ILDR1: variants seen among roughly 807,000 people sequenced by gnomAD.
ILDR1 encodes the protein immunoglobulin-like domain-containing receptor 1.
In ILDR1, 56 loss-of-function variants were observed where a neutral mutation model predicts 62.4. The observed-to-expected ratio is 0.90, with a 90% CI of 0.72 to 1.12. The LOEUF is 1.12. Ranked by LOEUF, ILDR1 falls within the 50% of genes most tolerant of loss-of-function variation. The pLI is 0.00. For missense variants in ILDR1, 736 were observed against 710.6 expected (o/e 1.04, Z -0.41); for synonymous variants, 284 against 277.8 (o/e 1.02, Z -0.22).
intron 1 of ILDR1, among the ~76,000 whole-genome samples, chr3:122,013,307 G>C (rs2071730636): frequency 6.6e-6 from 1 of 152,048 alleles, no homozygotes; most frequent in Non-Finnish European, 1.5e-5. Flanking sequence ...TTAAAATTAA[G>C]AACTATTTTG....
chr3:122,006,446 A>G (rs1459057523), intron 2 of ILDR1, among the ~76,000 whole-genome samples: 1 of 152,116 alleles, frequency 6.6e-6, no homozygotes, highest in South Asian at 2.1e-4. Flanking sequence ...TCTAAGGAGG[A>G]GTTGTGTAGC....
chr3:122,000,485 C>A (rs183663897), intron 5 of ILDR1, among the ~76,000 whole-genome samples: 1 of 152,210 alleles, frequency 6.6e-6, no homozygotes, highest in Non-Finnish European at 1.5e-5. Flanking sequence ...AGCCCCTCCC[C>A]GCTCCCACAT....
the ILDR1 span, among the ~76,000 whole-genome samples, chr3:122,030,623 TTCTCTC>T: frequency 4.1e-5 from 6 of 147,636 alleles, no homozygotes; most frequent in South Asian, 8.8e-4. Flanking sequence ...GCAAGGGTTT[TTCTCTC>T]TCTCTCTCTC....
At chr3:121,988,448 C>G in intron 7 of ILDR1, 40 bp from the exon 8 acceptor site, 1 of 1,538,440 alleles carries the variant, frequency 6.5e-7, no homozygotes. Context: ...AAAATCCAGT[C>G]AGTGCAATCC....
At position 121,993,371 on chromosome 3, in the gene ILDR1, C is replaced by T. The variant is rs559855953; in HGVS notation, c.1378G>A (p.Gly460Arg). ...PSPRESTQRH[G>R]RRRRHRSYSP... is the part of the protein sequence containing the mutation. The stretch of plus-strand genomic sequence containing the variant: ...TAGCTGCGGTGCCTGCGTCGTCTCC[C>T]GTGCCTCTGAGTGCTCTCCCGGGGG... Residue 460 changes from glycine (G) to arginine (R), a missense_variant, in exon 7 of 8, where the codon GGG becomes AGG. Coordinates refer to ENST00000344209, the MANE Select transcript of ILDR1 (RefSeq NM_001199799.2). 2.1e-4 allele frequency: 342 copies of T among 1,610,884 alleles called. 3 individuals are homozygous for T. Among genetic ancestry groups the T allele is most frequent in the South Asian group, 1.9e-3 (169 of 90,984 alleles).
the ILDR1 span, among the ~76,000 whole-genome samples, chr3:122,040,680 T>C: frequency 7.2e-6 from 1 of 139,456 alleles, no homozygotes; most frequent in East Asian, 2.1e-4. Context: ...GAAGAAGATA[T>C]CATTTTCAAC....
the ILDR1 span, among the ~76,000 whole-genome samples, chr3:122,059,158 A>G: frequency 1.2e-4 from 19 of 152,150 alleles, no homozygotes. Flanking sequence ...GTGCAAGTTC[A>G]AAAAAGAGGG....
intron 1 of ILDR1, among the ~76,000 whole-genome samples, chr3:122,009,419 A>G (rs2071670531): frequency 7.3e-6 from 1 of 136,958 alleles, no homozygotes; most frequent in Admixed American, 8.0e-5. Context: ...ATTTACTTGA[A>G]TTTTGGACAA....
intron 1 of ILDR1, among the ~76,000 whole-genome samples, chr3:122,009,571 G>A (rs2071672516): frequency 6.6e-6 from 1 of 152,192 alleles, no homozygotes; most frequent in Admixed American, 6.5e-5. Flanking sequence ...TGCCACATTA[G>A]TGTCAGTATG....
chr3:122,028,050 G>A, the ILDR1 span, among the ~76,000 whole-genome samples: 8 of 151,956 alleles, frequency 5.3e-5, no homozygotes, highest in East Asian at 1.9e-4. Flanking sequence ...AAAACTGGCC[G>A]GGCGCGGTGG....
chr3:121,992,819 T>G (rs1401451732), intron 7 of ILDR1, among the ~76,000 whole-genome samples: 2 of 152,240 alleles, frequency 1.3e-5, no homozygotes, highest in Non-Finnish European at 2.9e-5. Context: ...ATTCAAGTCC[T>G]AGCTCATGGC....
chr3:122,042,073 C>A, the ILDR1 span, among the ~76,000 whole-genome samples: 2 of 103,532 alleles, frequency 1.9e-5, no homozygotes, highest in Non-Finnish European at 3.9e-5. Context: ...CCCCTCCCCC[C>A]ACCCCACCAC....
chr3:121,995,532 C>T (rs967666724), intron 5 of ILDR1, among the ~76,000 whole-genome samples: 4 of 152,126 alleles, frequency 2.6e-5, no homozygotes, highest in African/African-American at 9.7e-5. Context: ...TAACAGAGTC[C>T]CCAGAAATGT....
chr3:122,052,484 A>T, the ILDR1 span, among the ~76,000 whole-genome samples: 1 of 152,164 alleles, frequency 6.6e-6, no homozygotes, highest in Non-Finnish European at 1.5e-5. Flanking sequence ...AGGCATCTAG[A>T]GTATGGTGGG....
intron 1 of ILDR1, among the ~76,000 whole-genome samples, chr3:122,012,684 A>G (rs75471926): frequency 6.6e-6 from 1 of 152,198 alleles, no homozygotes; most frequent in African/African-American, 2.4e-5. Flanking sequence ...AATGTCCCCC[A>G]TTTAGCAAAG....
chr3:122,057,873 G>C, the ILDR1 span, among the ~76,000 whole-genome samples: 1 of 152,222 alleles, frequency 6.6e-6, no homozygotes, highest in African/African-American at 2.4e-5. Context: ...TGGCTCTCTA[G>C]GGTGAGTTGC....
the ILDR1 span, among the ~76,000 whole-genome samples, chr3:122,034,289 G>T: frequency 3.9e-5 from 6 of 152,164 alleles, no homozygotes; most frequent in African/African-American, 1.2e-4. Context: ...TATATTAAAA[G>T]TTATAGATAT....
chr3:122,016,931 G>A (rs1049936043), intron 1 of ILDR1, among the ~76,000 whole-genome samples: 2 of 152,200 alleles, frequency 1.3e-5, no homozygotes, highest in Non-Finnish European at 2.9e-5. Context: ...ACCTGGTTAT[G>A]AGAAATAAAG....
chr3:122,018,517 T>G (rs368371856), intron 1 of ILDR1, among the ~76,000 whole-genome samples: 16 of 152,108 alleles, frequency 1.1e-4, no homozygotes, highest in African/African-American at 3.6e-4. Flanking sequence ...GTTCTGCACA[T>G]GTAACCCAGT....
Sources: gnomAD v4.1 joint callset for allele counts (sites outside exome capture counted in the v4.1 genomes callset) on GRCh38, gnomAD v4.1.1 for gene constraint, MANE v1.5 for transcripts, NCBI Gene and HGNC (gene_info 2026-07-23, HGNC 2026-07-21) for gene names.